PTPRT: variants seen among roughly 807,000 people sequenced by gnomAD.
PTPRT encodes the protein protein tyrosine phosphatase receptor type T.
PTPRT carries 56 observed loss-of-function variants against 176.8 expected under a neutral mutation model. That is an observed-to-expected ratio of 0.32 (90% CI 0.26 to 0.40). The LOEUF (loss-of-function observed/expected upper bound fraction) is 0.40, where lower values mean the gene tolerates loss of function less well. PTPRT is among the 10% of genes least tolerant of loss of function. The pLI is 1.00. For missense variants in PTPRT, 1,540 were observed against 1,908.2 expected, an observed-to-expected ratio of 0.81 and a Z score of 3.60; for synonymous variants, 783 against 739.0, an observed-to-expected ratio of 1.06 and a Z score of -0.96.
chr20:42,559,713 C>T (rs1439433578), intron 7 of PTPRT, among the ~76,000 whole-genome samples: 1 of 152,204 alleles, frequency 6.6e-6, no homozygotes, highest in Non-Finnish European at 1.5e-5. Flanking sequence ...TCTGCTGATG[C>T]TATTCTAAAT....
At chr20:42,857,811 G>A (rs2078591399) in intron 2 of PTPRT, among the ~76,000 whole-genome samples, 1 of 152,200 alleles carries the variant, frequency 6.6e-6, no homozygotes, top group Non-Finnish European at 1.5e-5. Context: ...ACAAGCAAGA[G>A]TTAAATTCAC....
intron 1 of PTPRT, among the ~76,000 whole-genome samples, chr20:42,909,780 C>T (rs886079404): frequency 6.6e-6 from 1 of 152,160 alleles, no homozygotes; most frequent in Non-Finnish European, 1.5e-5. Flanking sequence ...GGGACCAGAT[C>T]ACCATTATTC....
intron 6 of PTPRT, among the ~76,000 whole-genome samples, chr20:42,750,484 G>A (rs972274781): frequency 1.3e-5 from 2 of 152,054 alleles, no homozygotes; most frequent in Non-Finnish European, 2.9e-5. Context: ...CAGGGAGCAG[G>A]ACTAAGATGG....
chr20:42,736,421 C>T (rs1288457377), intron 6 of PTPRT, among the ~76,000 whole-genome samples: 1 of 152,200 alleles, frequency 6.6e-6, no homozygotes, highest in Non-Finnish European at 1.5e-5. Context: ...AGAGAAGTAT[C>T]CAAGCCCTGC....
intron 1 of PTPRT, among the ~76,000 whole-genome samples, chr20:42,919,410 A>G (rs75064470): frequency 0.019 from 2,883 of 152,306 alleles, 105 homozygotes; most frequent in African/African-American, 0.066. Flanking sequence ...CAATGGGATT[A>G]TGAGACCCAG....
chr20:42,507,594 T>A (rs914075864), intron 7 of PTPRT, among the ~76,000 whole-genome samples: 3 of 152,188 alleles, frequency 2.0e-5, no homozygotes, highest in Non-Finnish European at 4.4e-5. Context: ...TCAGAACTAA[T>A]GTCTTAATAC....
At chr20:42,159,614 A>C (rs1318959724) in intron 17 of PTPRT, among the ~76,000 whole-genome samples, 1 of 151,980 alleles carries the variant, frequency 6.6e-6, no homozygotes, top group Non-Finnish European at 1.5e-5. Context: ...ATCTTCTTCA[A>C]CTCTAATTCG....
intron 12 of PTPRT, among the ~76,000 whole-genome samples, chr20:42,303,192 A>G (rs533990460): frequency 2.6e-5 from 4 of 152,312 alleles, no homozygotes; most frequent in Non-Finnish European, 5.9e-5. Context: ...GCTCTGTAAG[A>G]GATCCATTGA....
intron 18 of PTPRT, among the ~76,000 whole-genome samples, chr20:42,131,417 C>T (rs539469972): frequency 1.8e-4 from 27 of 152,330 alleles, no homozygotes; most frequent in African/African-American, 6.5e-4. Context: ...GTTATGCCTG[C>T]CCCTGGGGCC....
intron 7 of PTPRT, among the ~76,000 whole-genome samples, chr20:42,624,551 G>T (rs1184688799): frequency 6.6e-6 from 1 of 152,122 alleles, no homozygotes; most frequent in Non-Finnish European, 1.5e-5. Flanking sequence ...TGTGTCAAAG[G>T]CACAAACTAT....
In PTPRT at chr20:42,628,565, C is replaced by A. The variant is rs1315065766; in HGVS notation, c.1153+49301G>T. The stretch of plus-strand genomic sequence containing the variant: ...TTCATCCATCCACCTATCTATCCAT[C>A]CATTTACCTGAAGGTATGTTGACCA... On this transcript the variant is annotated intron_variant, in intron 7 of 30. Transcript: ENST00000373187. Among the ~76,000 whole-genome samples, 3 of 152,140 alleles carry A rather than the reference C, an allele frequency of 2.0e-5. No homozygotes were observed. The East Asian group carries it at 5.8e-4, about 29-fold the overall frequency.
intron 9 of PTPRT, among the ~76,000 whole-genome samples, chr20:42,402,110 A>G (rs1036241871): frequency 1.3e-5 from 2 of 152,152 alleles, no homozygotes; most frequent in Admixed American, 6.5e-5. Context: ...GAATAGAGAA[A>G]AGTGAATGAA....
At chr20:42,104,517 ATAACAACC>A (rs1986243840) in intron 25 of PTPRT, 44 bp downstream of exon 25, 1 of 1,526,656 alleles carries the variant, frequency 6.6e-7, no homozygotes, top group East Asian at 2.3e-5. Flanking sequence ...GAAATTTGTT[ATAACAACC>A]CAAACTGACT....
At chr20:42,378,818 C>G (rs1024249886) in intron 9 of PTPRT, among the ~76,000 whole-genome samples, 2 of 152,162 alleles carry the variant, frequency 1.3e-5, no homozygotes, top group Non-Finnish European at 2.9e-5. Context: ...ATCCCCTTCA[C>G]AGGATTTTGA....
In PTPRT at chr20:42,396,497, TACTC is replaced by T. The variant is rs566710678; in HGVS notation, c.1561-44216_1561-44213del. Among the ~76,000 whole-genome samples, 11 of 152,304 alleles carry T rather than the reference TACTC, an allele frequency of 7.2e-5. No homozygotes were observed. The South Asian group carries it at 1.7e-3, about 23-fold the overall frequency. ...AATTAGTTTCTTCCACTCTTTCCCT[TACTC>T]ACTCTATTCCAACCACACTGGCTTG... On this transcript the variant is annotated intron_variant, in intron 9 of 30. Coordinates refer to ENST00000373187, the MANE Select transcript of PTPRT (RefSeq NM_007050.6).
At chr20:42,980,589 C>G (rs565612560) in intron 1 of PTPRT, among the ~76,000 whole-genome samples, 1 of 152,190 alleles carries the variant, frequency 6.6e-6, no homozygotes, top group African/African-American at 2.4e-5. Flanking sequence ...CTTCCCCCCA[C>G]CCTACTGCAG....
intron 6 of PTPRT, among the ~76,000 whole-genome samples, chr20:42,736,099 C>T (rs370503704): frequency 2.0e-5 from 3 of 152,240 alleles, no homozygotes; most frequent in African/African-American, 7.2e-5. Flanking sequence ...TAGTTGGACA[C>T]AGCCCTTACC....
chr20:42,254,748 T>G, intron 13 of PTPRT, among the ~76,000 whole-genome samples: 1 of 152,164 alleles, frequency 6.6e-6, no homozygotes, highest in Non-Finnish European at 1.5e-5. Context: ...GTCATTATGG[T>G]TCCAAAGTCC....
chr20:42,814,372 A>G (rs140110175), intron 2 of PTPRT, among the ~76,000 whole-genome samples: 1 of 152,326 alleles, frequency 6.6e-6, no homozygotes, highest in East Asian at 1.9e-4. Flanking sequence ...CACACTTTCC[A>G]TAAGTAAGTT....
Sources: allele counts gnomAD v4.1 joint callset (sites outside exome capture counted in the v4.1 genomes callset), GRCh38; gene constraint gnomAD v4.1.1; transcripts MANE v1.5; gene names NCBI Gene and HGNC (gene_info 2026-07-23, HGNC 2026-07-21).